Variants in SPAG9 observed in about 807,000 individuals in gnomAD.
The protein encoded by SPAG9 is sperm associated antigen 9.
A neutral mutation model predicts 166.5 loss-of-function variants in SPAG9; 35 were observed. The ratio of observed to expected loss-of-function variants is 0.21; its 90% CI spans 0.16 to 0.28. The LOEUF (loss-of-function observed/expected upper bound fraction) is 0.28, where lower values mean the gene tolerates loss of function less well. Ranked by LOEUF, SPAG9 falls within the 10% of genes least tolerant of loss-of-function variation. The pLI is 1.00. For missense variants in SPAG9, 1,235 were observed against 1,603.3 expected (o/e 0.77, Z 3.92); for synonymous variants, 534 against 565.5 (o/e 0.94, Z 0.79).
chr17:51,115,974 C>T (rs2049276614), intron 1 of SPAG9, among the ~76,000 whole-genome samples: 1 of 152,198 alleles, frequency 6.6e-6, no homozygotes, highest in Non-Finnish European at 1.5e-5. Flanking sequence ...AAAAGACCCA[C>T]AGAATCACTA....
At chr17:50,994,580 C>T (rs752691736) in intron 18 of SPAG9, among the ~76,000 whole-genome samples, 7 of 152,030 alleles carry the variant, frequency 4.6e-5, no homozygotes, top group Non-Finnish European at 7.4e-5. Flanking sequence ...GTGAAACCCT[C>T]GTCTCTACAA....
intron 4 of SPAG9, among the ~76,000 whole-genome samples, chr17:51,043,341 T>C (rs2046910458): frequency 6.6e-6 from 1 of 152,058 alleles, no homozygotes; most frequent in South Asian, 2.1e-4. Context: ...AATAAGTCCA[T>C]GAAAAAAGAG....
chr17:51,003,699 T>C (rs1443071621), intron 12 of SPAG9, among the ~76,000 whole-genome samples: 4 of 152,202 alleles, frequency 2.6e-5, no homozygotes, highest in Admixed American at 2.6e-4. Context: ...CTGAAAGGTT[T>C]GGGACATAAG....
chr17:51,111,772 T>G (rs1039826161), intron 1 of SPAG9, among the ~76,000 whole-genome samples: 1 of 152,094 alleles, frequency 6.6e-6, no homozygotes, highest in Non-Finnish European at 1.5e-5. Flanking sequence ...CCAGTTAATT[T>G]TTGTATTTTT....
chr17:51,009,546 G>A (rs1376374497), intron 9 of SPAG9, among the ~76,000 whole-genome samples: 10 of 152,216 alleles, frequency 6.6e-5, no homozygotes, highest in Admixed American at 4.6e-4. Context: ...CTGCTACTGC[G>A]TCCTCACCAT....
At position 50,995,139 on chromosome 17, in the gene SPAG9, T is replaced by A. The variant is rs746583176; in HGVS notation, c.2144A>T (p.Asp715Val). 1.2e-6 allele frequency: 2 copies of A among 1,614,086 alleles called. No individual in the cohort carries two copies. The highest frequency in any genetic ancestry group is 2.2e-5 in the South Asian group (2 of 91,080). Residue 715 changes from aspartate to valine, a missense_variant, in exon 18 of 30, where the codon GAT becomes GTT. Asp to Val is a radical substitution (Grantham distance 152). Around this residue, in one of 6 missense-constraint regions of SPAG9, gnomAD observed 493 missense variants for 559.4 expected, o/e 0.88. Transcript: ENST00000262013. ...SVVGASVFYK[D>V]VAGLDTEGSK... ...GCCTTCTGTATCCAAACCAGCAACATCCTTGTAAAATACACTTGCTCCAAC... is the reference window on the plus strand; with the variant it reads ...GCCTTCTGTATCCAAACCAGCAACAACCTTGTAAAATACACTTGCTCCAAC...
chr17:51,086,323 C>T (rs113691971), intron 1 of SPAG9, among the ~76,000 whole-genome samples: 1 of 151,384 alleles, frequency 6.6e-6, no homozygotes, highest in African/African-American at 2.4e-5. Flanking sequence ...GGTTTGGAAA[C>T]GTACAGCTGC....
chr17:51,096,313 C>T (rs2048646544), intron 1 of SPAG9, among the ~76,000 whole-genome samples: 1 of 151,002 alleles, frequency 6.6e-6, no homozygotes, highest in Non-Finnish European at 1.5e-5. Context: ...TGCTCCACTG[C>T]ACTCCAGCCT....
chr17:51,100,977 A>G (rs2048791646), intron 1 of SPAG9, among the ~76,000 whole-genome samples: 1 of 152,126 alleles, frequency 6.6e-6, no homozygotes, highest in Admixed American at 6.6e-5. Flanking sequence ...TTTCTGCCAA[A>G]TGTGTCCAAA....
In SPAG9 at chr17:50,990,089, G is replaced by A. The variant is rs528146327; in HGVS notation, c.2618-217C>T. The stretch of plus-strand genomic sequence containing the variant: ...GTTGCCCAGGCTGGAGTGCGGCGGC[G>A]TGATCTTGGCTCACTGCAAGCTCCA... On this transcript the variant is annotated intron_variant, in intron 20 of 29. Transcript: ENST00000262013. 1.2e-3 allele frequency: 660 copies of A among 571,368 alleles called. 1 individual carries two copies. Among genetic ancestry groups the A allele is most frequent in the Non-Finnish European group, 1.7e-3 (547 of 322,814 alleles). 35.4% of individuals were successfully genotyped at this position (571,368 alleles called of 1,614,324 possible).
At chr17:51,088,555 G>T (rs2048360126) in intron 1 of SPAG9, among the ~76,000 whole-genome samples, 1 of 152,182 alleles carries the variant, frequency 6.6e-6, no homozygotes. Flanking sequence ...TCAGTACTTT[G>T]GGAGGCCAAG....
chr17:51,101,455 G>A (rs1477914043), intron 1 of SPAG9, among the ~76,000 whole-genome samples: 1 of 151,640 alleles, frequency 6.6e-6, no homozygotes, highest in Non-Finnish European at 1.5e-5. Flanking sequence ...CTGATGCCTG[G>A]CAAAAAATAA....
In SPAG9 at chr17:51,010,568, G is replaced by GAA. The variant is rs3075109; in HGVS notation, c.1214-3244_1214-3243dup. 9.9e-4 allele frequency among the ~76,000 whole-genome samples: 123 copies of GAA among 124,842 alleles called. 1 individual carries two copies. The South Asian group carries it at 0.011, about 12-fold the overall frequency. 81.9% of individuals were successfully genotyped at this position (124,842 alleles called of 152,430 possible). On this transcript the variant is annotated intron_variant, in intron 9 of 29. Transcript: ENST00000262013. Reference sequence around the variant, plus strand: ...GTATCACTTAAGCAAGGCAAGAAAAGAAAAAAAAAAAAAAATATATATATA... The same window carrying GAA: ...GTATCACTTAAGCAAGGCAAGAAAAGAAAAAAAAAAAAAAAAATATATATATA...
chr17:51,090,168 ATAAAC>A lies in SPAG9; in HGVS notation c.304-10469_304-10465del, dbSNP rs528690550. ...TTTTGAGTCGATGTAAAGGTAAACT[ATAAAC>A]TAAAGAATAAGTTGAGAATCTCTCT... On this transcript the variant is annotated intron_variant, in intron 1 of 29. Transcript: ENST00000262013. Among the ~76,000 whole-genome samples, 31 of 152,252 alleles carry A rather than the reference ATAAAC, an allele frequency of 2.0e-4. 1 individual carries two copies. In the South Asian group the frequency reaches 5.2e-3, roughly 25 times the overall value.
intron 28 of SPAG9, among the ~76,000 whole-genome samples, chr17:50,973,381 A>T (rs2143619826): frequency 6.6e-6 from 1 of 152,222 alleles, no homozygotes; most frequent in East Asian, 1.9e-4. Context: ...ATTTTTTTTT[A>T]AGCAAGAGAA....
rs115782513 is a variant in SPAG9, at chr17:51,079,548, C to G, written c.424+36G>C. The G allele has an allele frequency of 3.1e-6, 5 of 1,604,918 alleles. No individual in the cohort carries two copies. In the African/African-American group the frequency reaches 6.7e-5, roughly 22 times the overall value. On this transcript the variant is annotated intron_variant, in intron 2 of 29. Coordinates refer to ENST00000262013, the MANE Select transcript of SPAG9 (RefSeq NM_001130528.3). ...GCCACCACGTCTGGCCAAGCCCAAT[C>G]TTTAGTGTACTTATGAGAAGAAATG... is the stretch of plus-strand genomic sequence containing the variant.
At chr17:51,077,113 GCTAT>G (rs1481781672) in intron 2 of SPAG9, among the ~76,000 whole-genome samples, 150 of 135,538 alleles carry the variant, frequency 1.1e-3, no homozygotes, top group East Asian at 5.6e-3. Flanking sequence ...TAGCTATCTA[GCTAT>G]CTAGCTAGCT....
chr17:51,096,071 A>AGTGATATATATATATAT (rs1568084260), intron 1 of SPAG9, among the ~76,000 whole-genome samples: 1 of 137,456 alleles, frequency 7.3e-6, no homozygotes, highest in African/African-American at 2.6e-5. Context: ...ATATATATAT[A>AGTGATATATATATATAT]AAGTGGTTTC....
chr17:51,063,377 A>G (rs1598110983), intron 2 of SPAG9, among the ~76,000 whole-genome samples: 1 of 147,994 alleles, frequency 6.8e-6, no homozygotes, highest in African/African-American at 2.5e-5. Context: ...GTGCCACCGC[A>G]CTCCAGCCTG....
Sources: gnomAD v4.1 joint callset for allele counts (sites outside exome capture counted in the v4.1 genomes callset) on GRCh38, gnomAD v4.1.1 for gene constraint, gnomAD v4.1.1 regional missense constraint, MANE v1.5 for transcripts, NCBI Gene and HGNC (gene_info 2026-07-23, HGNC 2026-07-21) for gene names.